MACROD2: variants seen among roughly 807,000 people sequenced by gnomAD.
MACROD2 encodes the protein ADP-ribose glycohydrolase MACROD2.
In MACROD2, 36 loss-of-function variants were observed where a neutral mutation model predicts 70.4. The observed-to-expected ratio is 0.51, with a 90% CI of 0.39 to 0.68. The LOEUF is 0.68. MACROD2 is among the 30% of genes least tolerant of loss of function. The pLI, the probability that MACROD2 is intolerant of heterozygous loss-of-function variation, is 0.00. For synonymous variants in MACROD2, 172 were observed against 178.8 expected (o/e 0.96, Z 0.30); for missense variants, 496 against 538.4 (o/e 0.92, Z 0.78).
chr20:14,335,323 A>G (rs1205844169), intron 3 of MACROD2, among the ~76,000 whole-genome samples: 2 of 152,190 alleles, frequency 1.3e-5, no homozygotes, highest in Admixed American at 6.5e-5. Flanking sequence ...CTAGAGAAGA[A>G]ACTGGGGTAA....
Position 14,980,841 on chromosome 20 carries a change from A to G in MACROD2, c.419-249099A>G, listed in dbSNP as rs975082012. On this transcript the variant is annotated intron_variant, in intron 5 of 17. Coordinates refer to ENST00000684519, the MANE Select transcript of MACROD2 (RefSeq NM_001351661.2). The stretch of plus-strand genomic sequence containing the variant: ...ATCAGGTCTTCAGCAAATCATGTCT[A>G]TTGTACCTCCTAATCCCTCTTCTTC... Among the ~76,000 whole-genome samples the G allele has an allele frequency of 2.6e-5, 4 of 152,082 alleles. No homozygotes were observed. In the South Asian group the frequency reaches 8.3e-4, roughly 31 times the overall value.
intron 8 of MACROD2, among the ~76,000 whole-genome samples, chr20:15,762,183 C>A (rs1484684214): frequency 7.9e-5 from 12 of 152,146 alleles, no homozygotes. Context: ...AGTGCCATAA[C>A]TTCTTAGGAG....
chr20:14,252,924 C>T (rs2082024346), intron 3 of MACROD2, among the ~76,000 whole-genome samples: 1 of 151,580 alleles, frequency 6.6e-6, no homozygotes, highest in Non-Finnish European at 1.5e-5. Context: ...TTTTATTCTC[C>T]CTTGTCATTG....
chr20:15,263,161 T>C lies in MACROD2; in HGVS notation c.540+33100T>C, dbSNP rs184047044. On this transcript the variant is annotated intron_variant, in intron 6 of 17. Transcript: ENST00000684519. ...ATCCCCATTGTTTTCTTTTAGTAGT[T>C]TCATAGTTTGAGGTCTCAGATTTAA... Among the ~76,000 whole-genome samples the C allele has an allele frequency of 5.3e-5, 8 of 152,250 alleles. No individual in the cohort carries two copies. In the East Asian group the frequency reaches 1.3e-3, roughly 26 times the overall value.
chr20:14,278,751 C>T lies in MACROD2; in HGVS notation c.271+193023C>T, dbSNP rs114031545. Among the ~76,000 whole-genome samples, 942 of 152,188 alleles carry T rather than the reference C, an allele frequency of 6.2e-3. 6 individuals carry two copies. Among genetic ancestry groups the T allele is most frequent in the African/African-American group, 0.021 (871 of 41,516 alleles). On this transcript the variant is annotated intron_variant, in intron 3 of 17. Transcript: ENST00000684519. ...AAATACTATCATTTTGAATGAATTG[C>T]TGTCATATTTAACAACATTTTGGAG...
chr20:14,567,322 A>G (rs1359652816), intron 4 of MACROD2, among the ~76,000 whole-genome samples: 2 of 152,050 alleles, frequency 1.3e-5, no homozygotes, highest in Non-Finnish European at 2.9e-5. Flanking sequence ...ATTAAAAAGA[A>G]TGAGCTAGAT....
intron 8 of MACROD2, among the ~76,000 whole-genome samples, chr20:15,522,490 G>A (rs990567668): frequency 6.6e-6 from 1 of 152,152 alleles, no homozygotes; most frequent in Non-Finnish European, 1.5e-5. Flanking sequence ...ACATGTGTGT[G>A]TATATACAAA....
Position 15,459,972 on chromosome 20 carries a change from C to T in MACROD2, c.571+28537C>T, listed in dbSNP as rs190453624. Among the ~76,000 whole-genome samples the T allele has an allele frequency of 3.2e-3, 494 of 152,194 alleles. 2 individuals are homozygous for T. The highest frequency in any genetic ancestry group is 0.011 in the African/African-American group (467 of 41,552). On this transcript the variant is annotated intron_variant, in intron 7 of 17. Coordinates refer to ENST00000684519, the MANE Select transcript of MACROD2 (RefSeq NM_001351661.2). ...GGCCATAGTAACAGATCCAGGAACA[C>T]GCCTATGACAGAAATCTGGTCAACA...
intron 1 of MACROD2, among the ~76,000 whole-genome samples, chr20:13,996,744 T>C (rs2052663818): frequency 6.6e-6 from 1 of 152,206 alleles, no homozygotes; most frequent in African/African-American, 2.4e-5. Context: ...CACACCTCTT[T>C]CCTTTTCATT....
intron 8 of MACROD2, among the ~76,000 whole-genome samples, chr20:15,525,379 T>C (rs550625369): frequency 6.6e-6 from 1 of 152,346 alleles, no homozygotes; most frequent in African/African-American, 2.4e-5. Flanking sequence ...TGGATAAAGT[T>C]AAGCCCTGGG....
intron 5 of MACROD2, among the ~76,000 whole-genome samples, chr20:15,006,974 G>T (rs1263905696): frequency 6.6e-6 from 1 of 151,886 alleles, no homozygotes; most frequent in African/African-American, 2.4e-5. Flanking sequence ...AAAGTCTAAG[G>T]CTTTGCAAAA....
At chr20:16,036,020 T>C (rs1390958682) in intron 15 of MACROD2, among the ~76,000 whole-genome samples, 1 of 152,024 alleles carries the variant, frequency 6.6e-6, no homozygotes, top group Non-Finnish European at 1.5e-5. Context: ...GAAACATTTC[T>C]GAACGCATTA....
intron 3 of MACROD2, among the ~76,000 whole-genome samples, chr20:14,257,437 A>G (rs1488624785): frequency 2.6e-5 from 4 of 152,176 alleles, no homozygotes; most frequent in Admixed American, 2.0e-4. Context: ...TTTAAGGTTT[A>G]TATATAGTTA....
intron 5 of MACROD2, among the ~76,000 whole-genome samples, chr20:14,952,542 C>T (rs1310164377): frequency 6.6e-6 from 1 of 152,102 alleles, no homozygotes; most frequent in African/African-American, 2.4e-5. Flanking sequence ...AAGTACTAAT[C>T]CCAGTACTGC....
chr20:15,659,594 T>C (rs1424189010), intron 8 of MACROD2, among the ~76,000 whole-genome samples: 2 of 152,028 alleles, frequency 1.3e-5, no homozygotes, highest in East Asian at 3.9e-4. Context: ...TGTCTGGAGA[T>C]ATTTTTGTTT....
In MACROD2 at chr20:15,197,632, C is replaced by T. The variant is rs185660576; in HGVS notation, c.419-32308C>T. 2.8e-4 allele frequency among the ~76,000 whole-genome samples: 43 copies of T among 152,126 alleles called. 1 individual carries two copies. In the South Asian group the frequency reaches 7.3e-3, roughly 26 times the overall value. On this transcript the variant is annotated intron_variant, in intron 5 of 17. Coordinates refer to ENST00000684519, the MANE Select transcript of MACROD2 (RefSeq NM_001351661.2). ...TTATTCTTTTTAATTTCCCTAAGTCCCCCAAATTAGTTTTTTGATATTTAC... is the reference window on the plus strand; with the variant it reads ...TTATTCTTTTTAATTTCCCTAAGTCTCCCAAATTAGTTTTTTGATATTTAC...
intron 5 of MACROD2, among the ~76,000 whole-genome samples, chr20:14,855,837 G>C (rs577336661): frequency 6.6e-6 from 1 of 151,970 alleles, no homozygotes; most frequent in East Asian, 1.9e-4. Flanking sequence ...GACTAGATTA[G>C]TTGTAGGCAT....
intron 4 of MACROD2, among the ~76,000 whole-genome samples, chr20:14,553,114 C>T (rs972347851): frequency 7.9e-5 from 12 of 151,696 alleles, no homozygotes; most frequent in African/African-American, 2.9e-4. Flanking sequence ...ATACATTGTA[C>T]AGTTGTACAA....
At chr20:15,419,347 T>A (rs1568793176) in intron 6 of MACROD2, among the ~76,000 whole-genome samples, 1 of 152,128 alleles carries the variant, frequency 6.6e-6, no homozygotes, top group Non-Finnish European at 1.5e-5. Flanking sequence ...AAAAGTTAGT[T>A]CCAGCATCCA....
Sources: gnomAD v4.1 joint callset for allele counts (sites outside exome capture counted in the v4.1 genomes callset) on GRCh38, gnomAD v4.1.1 for gene constraint, MANE v1.5 for transcripts, NCBI Gene and HGNC (gene_info 2026-07-23, HGNC 2026-07-21) for gene names.